Variants in ELAVL2 observed in about 807,000 individuals in gnomAD.
The protein encoded by ELAVL2 is ELAV-like protein 2.
A neutral mutation model predicts 34.6 loss-of-function variants in ELAVL2; 4 were observed. That is an observed-to-expected ratio of 0.12 (90% CI 0.06 to 0.26). ELAVL2 has a LOEUF of 0.26. Among genes scored for constraint, ELAVL2 ranks in the 10% least tolerant of loss-of-function variants. The pLI, the probability that ELAVL2 is intolerant of heterozygous loss-of-function variation, is 1.00. For missense variants in ELAVL2, 432 were observed against 442.8 expected (o/e 0.98, Z 0.22); for synonymous variants, 193 against 154.8 (o/e 1.25, Z -1.83).
At chr9:23,761,105 T>C (rs982974869) in intron 2 of ELAVL2, among the ~76,000 whole-genome samples, 2 of 152,102 alleles carry the variant, frequency 1.3e-5, no homozygotes, top group African/African-American at 4.8e-5. Flanking sequence ...ACACTGCCTT[T>C]AAGTATCTTT....
intron 1 of ELAVL2, among the ~76,000 whole-genome samples, chr9:23,797,626 G>C (rs531085947): frequency 5.6e-4 from 86 of 152,324 alleles, no homozygotes; most frequent in Non-Finnish European, 1.1e-3. Context: ...TGATATACTT[G>C]AGTGAATAAA....
In ELAVL2 at chr9:23,775,518, ATCTC is replaced by A. The variant is rs374498343; in HGVS notation, c.-15-13273_-15-13270del. On this transcript the variant is annotated intron_variant, in intron 1 of 6. Transcript: ENST00000397312. Reference sequence around the variant, plus strand: ...GACCCCATCTAGAGCTTCCTAGCTGATCTCTCTATTTCCAGGCTTGCCCCTTTCT... The same window carrying A: ...GACCCCATCTAGAGCTTCCTAGCTGATCTATTTCCAGGCTTGCCCCTTTCT... Among the ~76,000 whole-genome samples, 23 of 152,292 alleles carry A rather than the reference ATCTC, an allele frequency of 1.5e-4. No homozygotes were observed. In the East Asian group the frequency reaches 2.7e-3, roughly 18 times the overall value.
chr9:23,701,472 C>G lies in ELAVL2; in HGVS notation c.620G>C (p.Ser207Thr). ...AAGGATGGCCTGATTGGTTTTTTGGCTTGGGTTATTAGCAAACTTTACAGT... is the reference window on the plus strand; with the variant it reads ...AAGGATGGCCTGATTGGTTTTTTGGGTTGGGTTATTAGCAAACTTTACAGT... ...PITVKFANNP[S>T]QKTNQAILSQ... Residue 207 changes from serine to threonine, a missense_variant, in exon 5 of 7, where the codon AGC becomes ACC. Ser to Thr is a moderately conservative substitution (Grantham distance 58). Around this residue, in one of 3 missense-constraint regions of ELAVL2, gnomAD observed 295 missense variants for 306.1 expected, o/e 0.96. Coordinates refer to ENST00000397312, the MANE Select transcript of ELAVL2 (RefSeq NM_004432.5). 1 of 1,614,052 alleles carries G rather than the reference C, an allele frequency of 6.2e-7. No homozygotes were observed.
chr9:23,849,060 C>G, the ELAVL2 span, among the ~76,000 whole-genome samples: 4 of 152,126 alleles, frequency 2.6e-5, no homozygotes, highest in Non-Finnish European at 5.9e-5. Flanking sequence ...TGTCTTTTAC[C>G]AAACTTAGAA....
intron 1 of ELAVL2, among the ~76,000 whole-genome samples, chr9:23,781,215 T>G (rs1354007619): frequency 2.0e-5 from 3 of 152,240 alleles, no homozygotes; most frequent in Non-Finnish European, 4.4e-5. Flanking sequence ...GGTATTGTTC[T>G]CAAGGCACTA....
chr9:23,830,810 T>G (rs1349713703), upstream of ELAVL2, among the ~76,000 whole-genome samples: 1 of 151,982 alleles, frequency 6.6e-6, no homozygotes, highest in Non-Finnish European at 1.5e-5. Context: ...TTCCTTCCCC[T>G]CTTTTACTCA....
intron 3 of ELAVL2, among the ~76,000 whole-genome samples, chr9:23,707,877 TAC>T (rs777903003): frequency 6.6e-6 from 1 of 152,196 alleles, no homozygotes; most frequent in Admixed American, 6.5e-5. Context: ...CTGGGTCCAT[TAC>T]AGTGTTCTAG....
At chr9:23,713,266 T>C (rs1281747267) in intron 3 of ELAVL2, among the ~76,000 whole-genome samples, 2 of 152,226 alleles carry the variant, frequency 1.3e-5, no homozygotes, top group Non-Finnish European at 2.9e-5. Context: ...ATAAATACCT[T>C]ACCATTTCTT....
chr9:23,802,304 TG>T (rs1445960296), intron 1 of ELAVL2, among the ~76,000 whole-genome samples: 1 of 152,188 alleles, frequency 6.6e-6, no homozygotes. Context: ...ATAATGTTAG[TG>T]CTACAAGGGA....
chr9:23,786,861 C>A (rs2059757566), intron 1 of ELAVL2, among the ~76,000 whole-genome samples: 1 of 149,854 alleles, frequency 6.7e-6, no homozygotes, highest in Non-Finnish European at 1.5e-5. Context: ...TTTAAAGTGA[C>A]ACCCACATGA....
At chr9:23,789,283 G>C (rs1274250280) in intron 1 of ELAVL2, among the ~76,000 whole-genome samples, 1 of 152,142 alleles carries the variant, frequency 6.6e-6, no homozygotes. Context: ...CACAAGAAAT[G>C]CAAGTTTTCC....
upstream of ELAVL2, among the ~76,000 whole-genome samples, chr9:23,827,834 A>C (rs1472758576): frequency 6.6e-6 from 1 of 152,184 alleles, no homozygotes; most frequent in African/African-American, 2.4e-5. Flanking sequence ...AGACCTGTTT[A>C]TCTCCCGTGT....
At chr9:23,820,144 C>T (rs182250179) in intron 1 of ELAVL2, among the ~76,000 whole-genome samples, 89 of 152,254 alleles carry the variant, frequency 5.8e-4, no homozygotes, top group Admixed American at 1.0e-3. Flanking sequence ...TCTGGCGAAA[C>T]GATTCTTGAG....
At chr9:23,804,691 T>A (rs2061996165) in intron 1 of ELAVL2, among the ~76,000 whole-genome samples, 1 of 152,164 alleles carries the variant, frequency 6.6e-6, no homozygotes, top group Admixed American at 6.5e-5. Context: ...TCTGAAAACT[T>A]ATCAGTTTGC....
chr9:23,802,121 C>G (rs776544110), intron 1 of ELAVL2, among the ~76,000 whole-genome samples: 2 of 152,110 alleles, frequency 1.3e-5, no homozygotes, highest in Non-Finnish European at 2.9e-5. Flanking sequence ...ACTTGAGCAA[C>G]AAACTAGGAC....
intron 1 of ELAVL2, among the ~76,000 whole-genome samples, chr9:23,819,789 G>T (rs1403592822): frequency 2.0e-5 from 3 of 152,168 alleles, no homozygotes; most frequent in African/African-American, 7.2e-5. Context: ...AAAATTTAAT[G>T]TAACATGTTT....
chr9:23,701,041 C>T (rs529097336), intron 5 of ELAVL2, among the ~76,000 whole-genome samples: 3 of 152,242 alleles, frequency 2.0e-5, no homozygotes, highest in East Asian at 3.9e-4. Context: ...GCAGCATCCC[C>T]GACCTCTAGC....
chr9:23,724,979 A>C (rs568521438), intron 3 of ELAVL2, among the ~76,000 whole-genome samples: 1 of 152,120 alleles, frequency 6.6e-6, no homozygotes, highest in African/African-American at 2.4e-5. Context: ...AATTTTCCAA[A>C]TCTGCTCAAG....
intron 1 of ELAVL2, among the ~76,000 whole-genome samples, chr9:23,824,450 C>T (rs1337642549): frequency 6.6e-6 from 1 of 152,178 alleles, no homozygotes; most frequent in African/African-American, 2.4e-5. Context: ...CTGGCTTTCC[C>T]AGCCGGTAGA....
Sources: allele counts gnomAD v4.1 joint callset (sites outside exome capture counted in the v4.1 genomes callset), GRCh38; gene constraint gnomAD v4.1.1; regional missense constraint gnomAD v4.1.1; transcripts MANE v1.5; gene names NCBI Gene and HGNC (gene_info 2026-07-23, HGNC 2026-07-21).